Variants in HS3ST3B1 observed in about 807,000 individuals in gnomAD.
The protein encoded by HS3ST3B1 is heparan sulfate glucosamine 3-O-sulfotransferase 3B1.
HS3ST3B1 carries 13 observed loss-of-function variants against 21.3 expected under a neutral mutation model. That is an observed-to-expected ratio of 0.61 (90% CI 0.40 to 0.97). The LOEUF (loss-of-function observed/expected upper bound fraction) is 0.97. Ranked by LOEUF, HS3ST3B1 falls within the 50% of genes least tolerant of loss-of-function variation. The probability of loss-of-function intolerance (pLI) is 0.00; values close to 1 mark genes in which losing one functional copy is unlikely to be tolerated. For synonymous variants in HS3ST3B1, 234 were observed against 254.8 expected, an observed-to-expected ratio of 0.92 and a Z score of 0.78; for missense variants, 459 against 554.8, an observed-to-expected ratio of 0.83 and a Z score of 1.73.
At chr17:14,302,950 G>T (rs1908992100) in intron 1 of HS3ST3B1, among the ~76,000 whole-genome samples, 1 of 152,156 alleles carries the variant, frequency 6.6e-6, no homozygotes, top group Admixed American at 6.5e-5. Context: ...TCGAGGTCGC[G>T]GCTTCCGGAA....
chr17:14,308,349 G>C (rs979815232), intron 1 of HS3ST3B1, among the ~76,000 whole-genome samples: 13 of 152,174 alleles, frequency 8.5e-5, no homozygotes, highest in African/African-American at 2.7e-4. Flanking sequence ...TTTGTACATA[G>C]ATAAAAGTGG....
intron 1 of HS3ST3B1, among the ~76,000 whole-genome samples, chr17:14,307,845 G>A (rs542330775): frequency 3.3e-5 from 5 of 152,260 alleles, no homozygotes; most frequent in South Asian, 4.1e-4. Flanking sequence ...CAAACAGGGC[G>A]CTACCTCTCT....
Position 14,301,533 on chromosome 17 carries a change from G to A in HS3ST3B1, c.15G>A (p.Leu5=), listed in dbSNP as rs777104798. 5.1e-6 allele frequency: 8 copies of A among 1,570,774 alleles called. No individual in the cohort carries two copies. Among genetic ancestry groups the A allele is most frequent in the African/African-American group, 1.4e-5 (1 of 73,590 alleles). ...GCGGGCAGCGCATGGGGCAGCGCCT[G>A]AGTGGCGGCAGATCTTGCCTCGATG... MGQR[L]SGGRSCLDVP... Residue 5 remains leucine, a synonymous_variant, in exon 1 of 2, where the codon CTG becomes CTA. Transcript: ENST00000360954.
At chr17:14,332,020 G>T (rs535220696) in intron 1 of HS3ST3B1, among the ~76,000 whole-genome samples, 3 of 152,286 alleles carry the variant, frequency 2.0e-5, no homozygotes, top group African/African-American at 7.2e-5. Flanking sequence ...TCAAATTACA[G>T]CTCTCCTCTG....
rs1233049766 is a variant in HS3ST3B1, at chr17:14,348,495, C to G, written c.*2849C>G. On this transcript the variant is annotated 3_prime_UTR_variant, in exon 2 of 2. Coordinates refer to ENST00000360954, the MANE Select transcript of HS3ST3B1 (RefSeq NM_006041.3). ...TTGCAGCATCTGCCGGAGCTTGCAC[C>G]CCATCATCGGACGGTCATCTTCCTG... 4 of 152,110 alleles carry G rather than the reference C, an allele frequency of 2.6e-5. No homozygotes were observed. The highest frequency in any genetic ancestry group is 9.7e-5 in the African/African-American group (4 of 41,414). The allele number at this position is 152,110 out of a possible 1,614,324, so 9.4% of individuals were successfully genotyped here.
rs1479730958 is a variant in HS3ST3B1 at position 14,303,379 on chromosome 17, C to A, written c.554+1307C>A. The stretch of plus-strand genomic sequence containing the variant: ...GGGCTGACCCCGCGGATTAAAACGG[C>A]TCCCTTCCCAGCCTCGTCCTACCCC... On this transcript the variant is annotated intron_variant, in intron 1 of 1. Transcript: ENST00000360954. The surrounding 1 kb of genome is among the most constrained non-coding windows in gnomAD (Gnocchi z 5.7). 6.6e-6 allele frequency among the ~76,000 whole-genome samples: 1 copy of A among 152,218 alleles called. No homozygotes were observed. The highest frequency in any genetic ancestry group is 1.5e-5 in the Non-Finnish European group (1 of 68,046).
chr17:14,326,035 G>T lies in HS3ST3B1; in HGVS notation c.555-18993G>T, dbSNP rs779167733. Among the ~76,000 whole-genome samples, 3 of 152,094 alleles carry T rather than the reference G, an allele frequency of 2.0e-5. No homozygotes were observed. The East Asian group carries it at 5.8e-4, about 29-fold the overall frequency. On this transcript the variant is annotated intron_variant, in intron 1 of 1. Transcript: ENST00000360954. ...TGTGTGTGTGTACGTGTGTGTGTGT[G>T]CACGCACGTGTGTGCGTGTGTGTGT...
chr17:14,346,105 G>T lies in HS3ST3B1; in HGVS notation c.*459G>T. ...CTGTATTCTGAAGGGCAGGCCTCAT[G>T]CAGCAGCCTCCTTGCAGATGTGGTG... is the stretch of plus-strand genomic sequence containing the variant. On this transcript the variant is annotated 3_prime_UTR_variant, in exon 2 of 2. Coordinates refer to ENST00000360954, the MANE Select transcript of HS3ST3B1 (RefSeq NM_006041.3). The T allele has an allele frequency of 6.0e-6, 1 of 166,286 alleles. No individual in the cohort carries two copies. Among genetic ancestry groups the T allele is most frequent in the East Asian group, 1.8e-4 (1 of 5,668 alleles). The allele number at this position is 166,286 out of a possible 1,614,324, so 10.3% of individuals were successfully genotyped here.
intron 1 of HS3ST3B1, among the ~76,000 whole-genome samples, chr17:14,339,717 G>T (rs1251580712): frequency 1.3e-5 from 2 of 152,196 alleles, no homozygotes; most frequent in African/African-American, 4.8e-5. Context: ...ATCCCTTTGA[G>T]AAACTGGTTT....
At position 14,302,016 on chromosome 17, in the gene HS3ST3B1, G is replaced by A. The variant is rs1597583026; in HGVS notation, c.498G>A (p.Val166=). The A allele has an allele frequency of 1.2e-6, 2 of 1,608,756 alleles. No individual in the cohort carries two copies. Among genetic ancestry groups the A allele is most frequent in the Non-Finnish European group, 1.7e-6 (2 of 1,179,194 alleles). The change falls in exon 1 of 2, where the codon GTG becomes GTA. Residue 166 remains valine, a synonymous_variant. Coordinates refer to ENST00000360954, the MANE Select transcript of HS3ST3B1 (RefSeq NM_006041.3). ...FLRVHPDVRA[V]GAEPHFFDRS... ...GCGTGCACCCCGACGTGCGCGCCGT[G>A]GGCGCCGAGCCCCATTTCTTCGATC...
At chr17:14,323,636 A>T (rs925030206) in intron 1 of HS3ST3B1, among the ~76,000 whole-genome samples, 3 of 151,938 alleles carry the variant, frequency 2.0e-5, no homozygotes, top group Admixed American at 1.3e-4. Flanking sequence ...AGATAACTTC[A>T]TATTGGGTGT....
chr17:14,344,490 A>G (rs1910490871), intron 1 of HS3ST3B1, among the ~76,000 whole-genome samples: 1 of 152,174 alleles, frequency 6.6e-6, no homozygotes, highest in East Asian at 1.9e-4. Flanking sequence ...TTTGTGAAGT[A>G]AAGGCTTTGT....
intron 1 of HS3ST3B1, among the ~76,000 whole-genome samples, chr17:14,319,194 T>A (rs113809167): frequency 1.3e-5 from 2 of 152,236 alleles, no homozygotes; most frequent in African/African-American, 4.8e-5. Flanking sequence ...ACTTAGATTC[T>A]GTCTCACACA....
chr17:14,327,505 A>G (rs890221284), intron 1 of HS3ST3B1: 2 of 152,200 alleles, frequency 1.3e-5, no homozygotes, highest in Non-Finnish European at 2.9e-5. Flanking sequence ...CAAGACTTTT[A>G]TGGGTATAGC....
intron 1 of HS3ST3B1, among the ~76,000 whole-genome samples, chr17:14,313,093 GGTGTGT>G (rs1555548187): frequency 1.0e-4 from 7 of 68,056 alleles, no homozygotes; most frequent in Non-Finnish European, 2.0e-4. Flanking sequence ...GTGTGTGTGT[GGTGTGT>G]GTGTGTGTGT....
chr17:14,312,121 C>A (rs375569165), intron 1 of HS3ST3B1, among the ~76,000 whole-genome samples: 8 of 152,238 alleles, frequency 5.3e-5, no homozygotes, highest in African/African-American at 1.9e-4. Flanking sequence ...AATGTCTTAG[C>A]CTCCGTATGC....
chr17:14,334,501 C>T (rs1597600156), intron 1 of HS3ST3B1, among the ~76,000 whole-genome samples: 1 of 152,152 alleles, frequency 6.6e-6, no homozygotes, highest in South Asian at 2.1e-4. Flanking sequence ...TACAGGCGTG[C>T]CAGCACACCA....
At chr17:14,333,364 G>A (rs143089070) in intron 1 of HS3ST3B1, among the ~76,000 whole-genome samples, 11,707 of 151,294 alleles carry the variant, frequency 0.077, 606 homozygotes, top group East Asian at 0.14. Flanking sequence ...CTACTCGGGA[G>A]GCTGAGGCAG....
intron 1 of HS3ST3B1, among the ~76,000 whole-genome samples, chr17:14,306,876 C>T (rs1050802947): frequency 6.6e-6 from 1 of 151,700 alleles, no homozygotes; most frequent in Admixed American, 6.6e-5. Flanking sequence ...AAATACAAAC[C>T]ATCATGTTAC....
Sources: gnomAD v4.1 joint callset for allele counts (sites outside exome capture counted in the v4.1 genomes callset) on GRCh38, gnomAD v4.1.1 for gene constraint, Gnocchi (gnomAD v3.1) non-coding constraint, MANE v1.5 for transcripts, NCBI Gene and HGNC (gene_info 2026-07-23, HGNC 2026-07-21) for gene names.